The following HSPG2 variants were observed in gnomAD, a reference collection of about 807,000 sequenced individuals.
The protein encoded by HSPG2 is basement membrane-specific heparan sulfate proteoglycan core protein.
HSPG2 carries 278 observed loss-of-function variants against 526.6 expected under a neutral mutation model. The ratio of observed to expected loss-of-function variants is 0.53; its 90% CI spans 0.48 to 0.58. The LOEUF (loss-of-function observed/expected upper bound fraction) is 0.58. HSPG2 is among the 20% of genes least tolerant of loss of function. HSPG2 has a pLI of 0.00. For synonymous variants in HSPG2, 2,465 were observed against 2,555.4 expected, an observed-to-expected ratio of 0.96 and a Z score of 1.07; for missense variants, 5,354 against 6,099.5, an observed-to-expected ratio of 0.88 and a Z score of 4.07.
intron 37 of HSPG2, among the ~76,000 whole-genome samples, chr1:21,863,265 C>G (rs1280606593): frequency 1.3e-5 from 2 of 149,318 alleles, no homozygotes; most frequent in African/African-American, 5.0e-5. Flanking sequence ...CCCAGCTACT[C>G]GGGAGGCTGA....
At chr1:21,829,648 C>G (rs372165595) in intron 86 of HSPG2, 44 bp from the exon 87 acceptor site, 1 of 1,533,396 alleles carries the variant, frequency 6.5e-7, no homozygotes, top group African/African-American at 1.4e-5. Context: ...GATCCTGGAC[C>G]CTCGGGTGGG....
chr1:21,841,738 C>A, intron 69 of HSPG2, 65 bp from the exon 70 acceptor site: 1 of 1,595,576 alleles, frequency 6.3e-7, no homozygotes, highest in East Asian at 2.2e-5. Context: ...CTTGGTGCTG[C>A]CAGCCTGTGC....
rs538032437 is a variant in HSPG2 at position 21,822,693 on chromosome 1, G to C, written c.*623C>G. Reference sequence around the variant, plus strand: ...CCAGGCTGTGTGCTGGCAGGAGGGGGTGGGAATGCAGGCCAGGAGGACGTG... The same window carrying C: ...CCAGGCTGTGTGCTGGCAGGAGGGGCTGGGAATGCAGGCCAGGAGGACGTG... On this transcript the variant is annotated 3_prime_UTR_variant, in exon 97 of 97. Coordinates refer to ENST00000374695, the MANE Select transcript of HSPG2 (RefSeq NM_005529.7). 72 of 168,888 alleles carry C rather than the reference G, an allele frequency of 4.3e-4. 1 individual carries two copies. Among genetic ancestry groups the C allele is most frequent in the Middle Eastern group, 2.9e-3 (1 of 350 alleles). The allele number at this position is 168,888 out of a possible 1,614,324, so 10.5% of individuals were successfully genotyped here.
rs1180727707 is a variant in HSPG2, at chr1:21,839,807, A to C, written c.9709+15T>G. The C allele has an allele frequency of 1.2e-6, 2 of 1,612,386 alleles. No homozygotes were observed. The highest frequency in any genetic ancestry group is 1.3e-5 in the African/African-American group (1 of 74,880). On this transcript the variant is annotated intron_variant, in intron 72 of 96. Transcript: ENST00000374695. The surrounding 1 kb of genome is among the most constrained non-coding windows in gnomAD (Gnocchi z 4.5). ...CCCTGCCCTGCCAGCCCTATGTGCC[A>C]GCCCTTGGTCACACCTGTGGCTGAG...
intron 75 of HSPG2, 95 bp from the exon 76 acceptor site, chr1:21,835,732 C>T (rs2098023887): frequency 3.3e-6 from 3 of 910,196 alleles, no homozygotes; most frequent in South Asian, 1.4e-5. Flanking sequence ...GCCTGTAATC[C>T]CAGCACTTTG....
At position 21,859,741 on chromosome 1, in the gene HSPG2, A is replaced by T; in HGVS notation, c.5183-65T>A. The T allele has an allele frequency of 1.9e-6, 3 of 1,583,590 alleles. No individual in the cohort carries two copies. The highest frequency in any genetic ancestry group is 2.6e-6 in the Non-Finnish European group (3 of 1,163,616). On this transcript the variant is annotated intron_variant, in intron 41 of 96. Coordinates refer to ENST00000374695, the MANE Select transcript of HSPG2 (RefSeq NM_005529.7). The surrounding 1 kb of genome is among the most constrained non-coding windows in gnomAD (Gnocchi z 5.3). ...CTCTTTCTCACATCCAGCCCCATGC[A>T]CAAGGACAGCATCCCACTAGGGCAG... is the stretch of plus-strand genomic sequence containing the variant.
chr1:21,878,419 GCAGCCATA>G lies in HSPG2; in HGVS notation c.2617+6_2617+13del. ...GGGAGGTGGGTGTCAGGGGATGGTG[GCAGCCATA>G]CTCACTGACGGGCCTGCACTTCCCG... On this transcript the variant is annotated splice_donor_region_variant and intron_variant, in intron 20 of 96. Transcript: ENST00000374695. The G allele has an allele frequency of 6.3e-7, 1 of 1,597,788 alleles. No individual in the cohort carries two copies. Among genetic ancestry groups the G allele is most frequent in the Non-Finnish European group, 8.5e-7 (1 of 1,170,616 alleles).
At chr1:21,936,303 T>C (rs1308362478) in intron 1 of HSPG2, among the ~76,000 whole-genome samples, 1 of 152,128 alleles carries the variant, frequency 6.6e-6, no homozygotes, top group Non-Finnish European at 1.5e-5. Context: ...TAGAATTCCC[T>C]TTTCCTCCAC....
chr1:21,881,304 T>A, intron 14 of HSPG2, 35 bp downstream of exon 14: 2 of 1,509,510 alleles, frequency 1.3e-6, no homozygotes, highest in Non-Finnish European at 1.8e-6. Flanking sequence ...ACAGGAATTC[T>A]TTCCCCACCC....
chr1:21,886,766 G>T (rs1055848325), intron 9 of HSPG2, among the ~76,000 whole-genome samples: 2 of 152,116 alleles, frequency 1.3e-5, no homozygotes, highest in Non-Finnish European at 2.9e-5. Context: ...GTATAGGTGG[G>T]TGCATGGGTG....
chr1:21,870,158 T>C (rs968398778), intron 33 of HSPG2: 1 of 786,586 alleles, frequency 1.3e-6, no homozygotes, highest in African/African-American at 1.9e-5. Flanking sequence ...CTCAGCTCTC[T>C]GGTCTCCTCG....
chr1:21,824,466 C>A lies in HSPG2; in HGVS notation c.12744+71G>T. On this transcript the variant is annotated intron_variant, in intron 93 of 96. Transcript: ENST00000374695. The surrounding 1 kb of genome is among the most constrained non-coding windows in gnomAD (Gnocchi z 5.9). ...GGGCTCTGCTTTCCCCTCCCCCCAC[C>A]ACTCCGGCCACCAGGAAGCCAGCTT... is the stretch of plus-strand genomic sequence containing the variant. 1.2e-6 allele frequency: 2 copies of A among 1,603,256 alleles called. No individual in the cohort carries two copies. Among genetic ancestry groups the A allele is most frequent in the South Asian group, 2.2e-5 (2 of 90,898 alleles).
intron 40 of HSPG2, 83 bp from the exon 41 acceptor site, chr1:21,860,085 C>T (rs546230798): frequency 2.5e-6 from 4 of 1,601,340 alleles, no homozygotes; most frequent in Non-Finnish European, 3.4e-6. Flanking sequence ...GGTACCCCAC[C>T]CTCAGCCCTG....
At chr1:21,832,755 AC>A (rs1278479437) in intron 80 of HSPG2, 149 bp from the exon 81 acceptor site, 1 of 647,234 alleles carries the variant, frequency 1.5e-6, no homozygotes, top group East Asian at 2.7e-5. Flanking sequence ...GGGCCTTCTC[AC>A]TATCTCAGGG....
rs747273402 is a variant in HSPG2 at position 21,831,205 on chromosome 1, G to T, written c.11562+10C>A. 1.1e-5 allele frequency: 17 copies of T among 1,611,176 alleles called. No homozygotes were observed. The Admixed American group carries it at 2.8e-4, about 27-fold the overall frequency. On this transcript the variant is annotated intron_variant, in intron 84 of 96. Transcript: ENST00000374695. Reference sequence around the variant, plus strand: ...ACGGCAGCCAGGTGGTGTGTGGGGTGTGGGGTCACCTGGCAGGGCCGGTCC... The same window carrying T: ...ACGGCAGCCAGGTGGTGTGTGGGGTTTGGGGTCACCTGGCAGGGCCGGTCC...
At chr1:21,826,513 A>AT (rs376059562) in intron 91 of HSPG2, among the ~76,000 whole-genome samples, 222 of 149,240 alleles carry the variant, frequency 1.5e-3, no homozygotes, top group African/African-American at 4.1e-3. Flanking sequence ...TGAATATAGT[A>AT]TTTTTTTTTG....
chr1:21,842,777 C>T lies in HSPG2; in HGVS notation c.8903G>A (p.Arg2968Gln), dbSNP rs146428410. 356 of 1,613,176 alleles carry T rather than the reference C, an allele frequency of 2.2e-4. No homozygotes were observed. Among genetic ancestry groups the T allele is most frequent in the Middle Eastern group, 1.1e-3 (6 of 5,480 alleles). The change falls in exon 67 of 97, where the codon CGG (arginine) becomes CAG (glutamine). Residue 2968 changes from arginine to glutamine, a missense_variant. Arg to Gln is a conservative substitution (Grantham distance 43). Transcript: ENST00000374695. ...CCATCCTGGCCCCTGTACCTGGTGC[C>T]GGGCGGGGAGGCTGCCCCCGCGCTT... ...WYKRGGSLPARHQTHGSQLRL... is the reference protein window; with the variant it reads ...WYKRGGSLPAQHQTHGSQLRL...
chr1:21,881,223 A>G, intron 14 of HSPG2, 116 bp downstream of exon 14: 1 of 1,246,818 alleles, frequency 8.0e-7, no homozygotes, highest in Non-Finnish European at 1.2e-6. Context: ...AGGGGGCTGC[A>G]TCGGGGCATG....
intron 2 of HSPG2, 54 bp downstream of exon 2, chr1:21,896,121 A>C: frequency 1.9e-6 from 3 of 1,611,088 alleles, no homozygotes; most frequent in Non-Finnish European, 8.5e-7. Context: ...CAGTGGGAAG[A>C]AGCACAGTCT....
Sources: allele counts gnomAD v4.1 joint callset (sites outside exome capture counted in the v4.1 genomes callset), GRCh38; gene constraint gnomAD v4.1.1; non-coding constraint Gnocchi (gnomAD v3.1); transcripts MANE v1.5; gene names NCBI Gene and HGNC (gene_info 2026-07-23, HGNC 2026-07-21).